The following COL21A1 variants were observed in gnomAD, a reference collection of about 807,000 sequenced individuals.
COL21A1 encodes collagen alpha-1(XXI) chain.
Under a neutral mutation model 137.9 loss-of-function variants are expected in COL21A1, and 149 were observed. The ratio of observed to expected loss-of-function variants is 1.08; its 90% confidence interval spans 0.95 to 1.24. COL21A1 has a LOEUF of 1.24. Among genes scored for constraint, COL21A1 ranks in the 50% most tolerant of loss-of-function variants. The pLI, the probability that COL21A1 is intolerant of heterozygous loss-of-function variation, is 0.00. For missense variants in COL21A1, 1,167 were observed against 1,158.4 expected (o/e 1.01, Z -0.11); for synonymous variants, 456 against 391.5 (o/e 1.16, Z -1.95).
chr6:56,057,977 G>A, intron 29 of COL21A1, 133 bp from the exon 30 acceptor site: 2 of 581,616 alleles, frequency 3.4e-6, no homozygotes, highest in Middle Eastern at 4.7e-4. Context: ...TTATATAGTA[G>A]AGGCATTTTC....
chr6:56,296,971 T>A (rs1764177146), intron 1 of COL21A1, among the ~76,000 whole-genome samples: 1 of 152,052 alleles, frequency 6.6e-6, no homozygotes, highest in African/African-American at 2.4e-5. Flanking sequence ...GCTATTACCA[T>A]CCATGAGCTG....
At chr6:56,095,890 A>G (rs1259802418) in intron 17 of COL21A1, among the ~76,000 whole-genome samples, 1 of 152,134 alleles carries the variant, frequency 6.6e-6, no homozygotes, top group African/African-American at 2.4e-5. Context: ...TCTGTCACCC[A>G]GGCTGGAGTG....
intron 1 of COL21A1, among the ~76,000 whole-genome samples, chr6:56,272,360 A>G (rs1763548935): frequency 6.6e-6 from 1 of 152,010 alleles, no homozygotes; most frequent in Admixed American, 6.6e-5. Flanking sequence ...TTTGTTTTGG[A>G]GTGGAAACAT....
intron 3 of COL21A1, among the ~76,000 whole-genome samples, chr6:56,173,105 T>C (rs1218879883): frequency 6.6e-6 from 1 of 152,156 alleles, no homozygotes; most frequent in Non-Finnish European, 1.5e-5. Flanking sequence ...ATAGAGAGAC[T>C]GAATGGTTTA....
At chr6:56,316,545 G>C (rs372932527) in intron 1 of COL21A1, among the ~76,000 whole-genome samples, 4 of 124,742 alleles carry the variant, frequency 3.2e-5, no homozygotes, top group South Asian at 5.4e-4. Context: ...GCAGTTGCGT[G>C]ATCTTGGCTC....
At chr6:56,342,936 A>G (rs950983430) in intron 1 of COL21A1, among the ~76,000 whole-genome samples, 2 of 152,324 alleles carry the variant, frequency 1.3e-5, no homozygotes, top group African/African-American at 2.4e-5. Flanking sequence ...TCAGTAGGTA[A>G]GAGACTCTCC....
chr6:56,315,099 GAATGTA>G (rs1375530237), intron 1 of COL21A1, among the ~76,000 whole-genome samples: 4 of 152,222 alleles, frequency 2.6e-5, no homozygotes, highest in Non-Finnish European at 5.9e-5. Context: ...GTAAATACAT[GAATGTA>G]AACTCAAATA....
chr6:56,148,680 C>T (rs1205553347), intron 10 of COL21A1, among the ~76,000 whole-genome samples: 1 of 152,130 alleles, frequency 6.6e-6, no homozygotes, highest in Non-Finnish European at 1.5e-5. Context: ...ATAAGCTTAT[C>T]TCATAGGCCT....
chr6:56,149,342 A>T (rs1489187978), intron 10 of COL21A1, among the ~76,000 whole-genome samples: 1 of 152,250 alleles, frequency 6.6e-6, no homozygotes, highest in African/African-American at 2.4e-5. Context: ...TTACATTTCT[A>T]AAAATTAAAA....
chr6:56,311,022 C>T (rs746977432), intron 1 of COL21A1, among the ~76,000 whole-genome samples: 149 of 152,204 alleles, frequency 9.8e-4, no homozygotes, highest in African/African-American at 3.1e-3. Flanking sequence ...GAATAATATA[C>T]GGCTATTAGG....
intron 1 of COL21A1, among the ~76,000 whole-genome samples, chr6:56,266,295 C>T (rs1274578347): frequency 2.0e-5 from 3 of 152,170 alleles, no homozygotes; most frequent in Non-Finnish European, 4.4e-5. Context: ...ACGTTCTAGA[C>T]AAGGAGCTGG....
At chr6:56,073,975 C>G (rs927550225) in intron 20 of COL21A1, among the ~76,000 whole-genome samples, 2 of 151,352 alleles carry the variant, frequency 1.3e-5, no homozygotes, top group Non-Finnish European at 1.5e-5. Context: ...ATACTAGACA[C>G]CAAGACACCA....
chr6:56,077,528 C>G lies in COL21A1; in HGVS notation c.1857+1G>C, dbSNP rs771436346. The G allele has an allele frequency of 1.3e-6, 2 of 1,573,458 alleles. No individual in the cohort carries two copies. The highest frequency in any genetic ancestry group is 1.7e-6 in the Non-Finnish European group (2 of 1,156,930). ...CAAAGCTAACTCTCATGAATACTTA[C>G]CTTTTGGCCCATTAATCCTCGGTTT... On this transcript the variant is annotated splice_donor_variant, in intron 18 of 29. Coordinates refer to ENST00000244728, the MANE Select transcript of COL21A1 (RefSeq NM_030820.4). LOFTEE classifies it high-confidence loss of function.
chr6:56,390,213 TCTG>T (rs1354139779), intron 1 of COL21A1, among the ~76,000 whole-genome samples: 10 of 152,176 alleles, frequency 6.6e-5, no homozygotes, highest in African/African-American at 1.9e-4. Context: ...TTTAGTTTTC[TCTG>T]CTATGTGTTT....
intron 1 of COL21A1, among the ~76,000 whole-genome samples, chr6:56,286,943 T>G (rs1314379078): frequency 1.3e-5 from 2 of 152,256 alleles, no homozygotes; most frequent in Non-Finnish European, 2.9e-5. Context: ...CTTTATTTTG[T>G]TACCTTCTTG....
At position 56,170,885 on chromosome 6, in the gene COL21A1, T is replaced by A. The variant is rs1776985861; in HGVS notation, c.810-20A>T. 6.2e-7 allele frequency: 1 copy of A among 1,603,590 alleles called. No individual in the cohort carries two copies. Among genetic ancestry groups the A allele is most frequent in the East Asian group, 2.2e-5 (1 of 44,782 alleles). ...ACATTGCTAGAAAAAGAAGAGCAAG[T>A]GTAAGCTTAAAGAATTCTTGACATG... is the stretch of plus-strand genomic sequence containing the variant. On this transcript the variant is annotated intron_variant, in intron 4 of 29. Transcript: ENST00000244728.
chr6:56,278,812 T>C (rs897729060), intron 1 of COL21A1, among the ~76,000 whole-genome samples: 4 of 152,178 alleles, frequency 2.6e-5, no homozygotes, highest in African/African-American at 9.7e-5. Flanking sequence ...CCACTAAATA[T>C]GCAAATATCT....
At chr6:56,280,341 T>C (rs1763761666) in intron 1 of COL21A1, among the ~76,000 whole-genome samples, 2 of 152,170 alleles carry the variant, frequency 1.3e-5, no homozygotes. Context: ...TCGATTCTGC[T>C]TCCTTCCAAG....
intron 17 of COL21A1, among the ~76,000 whole-genome samples, chr6:56,089,000 A>C (rs755706372): frequency 2.6e-5 from 4 of 152,062 alleles, no homozygotes; most frequent in Non-Finnish European, 5.9e-5. Context: ...TACCCAGGCT[A>C]GTCTCAAACT....
Sources: gnomAD v4.1 joint callset for allele counts (sites outside exome capture counted in the v4.1 genomes callset) on GRCh38, gnomAD v4.1.1 for gene constraint, MANE v1.5 for transcripts, NCBI Gene and HGNC (gene_info 2026-07-23, HGNC 2026-07-21) for gene names.